TMC7: variants seen among roughly 807,000 people sequenced by gnomAD.
TMC7 encodes the protein transmembrane channel like 7.
TMC7 carries 54 observed loss-of-function variants against 82.9 expected under a neutral mutation model. The observed-to-expected ratio is 0.65, with a 90% CI of 0.52 to 0.82. The LOEUF is 0.82. TMC7 is among the 40% of genes least tolerant of loss of function. TMC7 has a pLI of 0.00. For synonymous variants in TMC7, 350 were observed against 337.9 expected (o/e 1.04, Z -0.39); for missense variants, 820 against 901.2 (o/e 0.91, Z 1.15).
At chr16:18,991,995 A>T (rs2038959959) in intron 1 of TMC7, among the ~76,000 whole-genome samples, 1 of 150,738 alleles carries the variant, frequency 6.6e-6, no homozygotes, top group Admixed American at 6.6e-5. Context: ...CCAGTCTATC[A>T]TTGATAGACA....
rs758336809 is a variant in TMC7 at position 19,037,984 on chromosome 16, T to C, written c.1116T>C (p.Val372=). Residue 372 remains valine (V), a synonymous_variant, in exon 8 of 16, where the codon GTT becomes GTC. Coordinates refer to ENST00000304381, the MANE Select transcript of TMC7 (RefSeq NM_024847.4). ...RLFLNCIVLA[V]LGACFYAIYV... The stretch of plus-strand genomic sequence containing the variant: ...TTTTGAACTGTATTGTTCTGGCTGT[T>C]TTAGGGGCATGCTTTTATGCAATAT... 1.9e-6 allele frequency: 3 copies of C among 1,614,090 alleles called. No individual in the cohort carries two copies. Among genetic ancestry groups the C allele is most frequent in the Non-Finnish European group, 1.7e-6 (2 of 1,180,012 alleles).
Position 19,047,231 on chromosome 16 carries a change from C to T in TMC7, c.1722C>T (p.Ile574=), listed in dbSNP as rs1246459896. Residue 574 remains isoleucine, a synonymous_variant, in exon 12 of 16, where the codon ATC becomes ATT. Transcript: ENST00000304381. ...CAATTGCAACCCTGAAATTCATTAT[C>T]ATCTTCTATGTGAAAGAGGTAAGGA... ...LPAIATLKFI[I]IFYVKEWSLL... is the part of the protein sequence containing the mutation. The T allele has an allele frequency of 1.2e-6, 2 of 1,613,778 alleles. No homozygotes were observed. The highest frequency in any genetic ancestry group is 4.5e-5 in the East Asian group (2 of 44,878).
chr16:19,038,196 C>CT, intron 8 of TMC7, 149 bp downstream of exon 8: 1 of 780,308 alleles, frequency 1.3e-6, no homozygotes, highest in Non-Finnish European at 2.0e-6. Flanking sequence ...TCAGTTTCCA[C>CT]TTTTTTATTT....
intron 2 of TMC7, among the ~76,000 whole-genome samples, chr16:19,014,146 G>T (rs779868870): frequency 6.6e-6 from 1 of 152,000 alleles, no homozygotes; most frequent in Non-Finnish European, 1.5e-5. Context: ...GATTACAGGC[G>T]TGAGCCACCA....
chr16:19,061,821 C>G lies in TMC7; in HGVS notation c.2150C>G (p.Ala717Gly), dbSNP rs1303937928. The G allele has an allele frequency of 1.2e-6, 2 of 1,613,736 alleles. No homozygotes were observed. Among genetic ancestry groups the G allele is most frequent in the East Asian group, 4.5e-5 (2 of 44,878 alleles). ...TACCTAATCCAGAAACTAACAGAAGCCCAAAGGGACATGAGGAACTAACTA... is the reference window on the plus strand; with the variant it reads ...TACCTAATCCAGAAACTAACAGAAGGCCAAAGGGACATGAGGAACTAACTA... ...KCYLIQKLTE[A>G]QRDMRN The change falls in exon 16 of 16, where the codon GCC (alanine) becomes GGC (glycine). Residue 717 changes from alanine (A) to glycine (G), a missense_variant. By Grantham distance (60) the Ala-to-Gly change is moderately conservative (BLOSUM62 0). Coordinates refer to ENST00000304381, the MANE Select transcript of TMC7 (RefSeq NM_024847.4).
intron 2 of TMC7, among the ~76,000 whole-genome samples, chr16:19,013,415 C>G (rs2142185183): frequency 6.6e-6 from 1 of 151,846 alleles, no homozygotes; most frequent in South Asian, 2.1e-4. Flanking sequence ...CAGGGTTTCT[C>G]CATGTTGGTC....
At chr16:19,020,694 C>G (rs893203943) in intron 3 of TMC7, among the ~76,000 whole-genome samples, 6 of 151,454 alleles carry the variant, frequency 4.0e-5, no homozygotes, top group African/African-American at 9.7e-5. Context: ...ATGGTGAAAC[C>G]TCATCTGTAC....
intron 1 of TMC7, among the ~76,000 whole-genome samples, chr16:19,004,530 G>C (rs2039201763): frequency 6.6e-6 from 1 of 151,860 alleles, no homozygotes; most frequent in East Asian, 1.9e-4. Flanking sequence ...ATGCCTGGCT[G>C]ATTTTTCTAG....
At chr16:18,985,512 G>C (rs1406226833) in intron 1 of TMC7, among the ~76,000 whole-genome samples, 1 of 152,052 alleles carries the variant, frequency 6.6e-6, no homozygotes, top group African/African-American at 2.4e-5. Flanking sequence ...CCTATTAATA[G>C]TCATCTTATT....
intron 1 of TMC7, among the ~76,000 whole-genome samples, chr16:18,998,055 CT>C (rs1299872603): frequency 3.3e-5 from 5 of 152,060 alleles, no homozygotes; most frequent in African/African-American, 1.2e-4. Context: ...GTAATTCAAC[CT>C]TTAGTAGAAC....
chr16:19,034,610 A>G (rs4780777), intron 6 of TMC7, among the ~76,000 whole-genome samples: 1 of 118,852 alleles, frequency 8.4e-6, no homozygotes, highest in African/African-American at 3.1e-5. Context: ...AAATAAATAA[A>G]TAAGTAAATA....
At chr16:19,035,883 G>C in intron 7 of TMC7, 60 bp downstream of exon 7, 2 of 1,515,036 alleles carry the variant, frequency 1.3e-6, no homozygotes, top group Non-Finnish European at 1.8e-6. Flanking sequence ...TGCCTTTGGA[G>C]CCTGAGTTTT....
At chr16:19,059,381 A>G in intron 14 of TMC7, 35 bp from the exon 15 acceptor site, 1 of 1,603,368 alleles carries the variant, frequency 6.2e-7, no homozygotes, top group Non-Finnish European at 8.5e-7. Flanking sequence ...CAGATGATCC[A>G]GACTCCCTTG....
intron 2 of TMC7, among the ~76,000 whole-genome samples, chr16:19,012,736 C>T (rs962119815): frequency 1.1e-4 from 12 of 112,492 alleles, no homozygotes; most frequent in African/African-American, 3.8e-4. Flanking sequence ...TTGCAGTGAG[C>T]CAAAATCGTG....
At chr16:18,999,900 A>G (rs965195440) in intron 1 of TMC7, among the ~76,000 whole-genome samples, 5 of 151,938 alleles carry the variant, frequency 3.3e-5, no homozygotes, top group African/African-American at 1.2e-4. Context: ...AGTAGCTGGG[A>G]CTACAGGTGC....
chr16:19,044,099 C>T (rs1045417155), intron 9 of TMC7, among the ~76,000 whole-genome samples: 9 of 151,912 alleles, frequency 5.9e-5, no homozygotes, highest in African/African-American at 1.9e-4. Context: ...AATTCCTGAC[C>T]TCAGGTGATC....
Position 19,023,124 on chromosome 16 carries a change from ACAGTCTATC to A in TMC7, c.645_653del (p.Tyr216_Val218del). ...TTTGTTTCTTACAGATAAACAATGT[ACAGTCTATC>A]CAGTAAGCAGTTCTGGACTCATTTA... is the stretch of plus-strand genomic sequence containing the variant. On this transcript the variant is annotated inframe_deletion, in exon 5 of 16. Transcript: ENST00000304381. 1 of 1,605,214 alleles carries A rather than the reference ACAGTCTATC, an allele frequency of 6.2e-7. No homozygotes were observed. The highest frequency in any genetic ancestry group is 8.5e-7 in the Non-Finnish European group (1 of 1,173,636).
intron 1 of TMC7, among the ~76,000 whole-genome samples, chr16:19,007,869 A>G: frequency 6.6e-6 from 1 of 151,914 alleles, no homozygotes. Flanking sequence ...CTCATCTCAG[A>G]ATATAACTGC....
At chr16:19,033,977 T>G (rs1283838080) in intron 6 of TMC7, among the ~76,000 whole-genome samples, 2 of 152,234 alleles carry the variant, frequency 1.3e-5, no homozygotes, top group Non-Finnish European at 2.9e-5. Flanking sequence ...ATAACCTCTT[T>G]CATCTACAGA....
Sources: allele counts gnomAD v4.1 joint callset (sites outside exome capture counted in the v4.1 genomes callset), GRCh38; gene constraint gnomAD v4.1.1; transcripts MANE v1.5; gene names NCBI Gene and HGNC (gene_info 2026-07-23, HGNC 2026-07-21).